Variants in SYBU observed in about 807,000 individuals in gnomAD.
The protein encoded by SYBU is GOLSYN A protein.
Under a neutral mutation model 35.9 loss-of-function variants are expected in SYBU, and 21 were observed. The observed-to-expected ratio is 0.58, with a 90% CI of 0.41 to 0.84. The LOEUF is 0.84. Ranked by LOEUF, SYBU falls within the 40% of genes least tolerant of loss-of-function variation. The pLI is 0.00. For synonymous variants in SYBU, 319 were observed against 324.3 expected (o/e 0.98, Z 0.18); for missense variants, 768 against 848.2 (o/e 0.91, Z 1.17).
At chr8:109,642,987 A>T in intron 1 of SYBU, 55 bp from the exon 2 acceptor site, 1 of 1,448,606 alleles carries the variant, frequency 6.9e-7, no homozygotes, top group Non-Finnish European at 9.1e-7. Context: ...CCCTCTCTTA[A>T]CTCCTGTCGG....
At chr8:109,602,356 G>T (rs1356673122) in intron 3 of SYBU, among the ~76,000 whole-genome samples, 1 of 151,104 alleles carries the variant, frequency 6.6e-6, no homozygotes, top group African/African-American at 2.4e-5. Flanking sequence ...TGAAGAATTT[G>T]TGAAGAATTG....
At position 109,584,034 on chromosome 8, in the gene SYBU, T is replaced by C. The variant is rs755600625; in HGVS notation, c.530+2026A>G. Among the ~76,000 whole-genome samples, 8 of 151,828 alleles carry C rather than the reference T, an allele frequency of 5.3e-5. No individual in the cohort carries two copies. Among genetic ancestry groups the C allele is most frequent in the Non-Finnish European group, 8.8e-5 (6 of 67,982 alleles). The stretch of plus-strand genomic sequence containing the variant: ...GGTTTCACCATATTAGCCAGGCTGG[T>C]CTTGAACTCCTGAACTCAGTTGATC... On this transcript the variant is annotated intron_variant, in intron 4 of 6. Coordinates refer to ENST00000276646, the MANE Select transcript of SYBU (RefSeq NM_001099754.2). The surrounding 1 kb of genome is among the most constrained non-coding windows in gnomAD (Gnocchi z 4.0).
rs562454317 is a variant in SYBU, at chr8:109,588,285, C to T, written c.428-2123G>A. Among the ~76,000 whole-genome samples the T allele has an allele frequency of 3.6e-4, 55 of 152,280 alleles. 1 individual carries two copies. In the South Asian group the frequency reaches 7.7e-3, roughly 21 times the overall value. ...TTGCGGAAAATCCATTGTTACCCCA[C>T]GGTGCTTCTGATCTGTGGTAATTAT... On this transcript the variant is annotated intron_variant, in intron 3 of 6. Coordinates refer to ENST00000276646, the MANE Select transcript of SYBU (RefSeq NM_001099754.2).
At chr8:109,645,633 G>GTTTTTTTT (rs77642059), upstream of SYBU, 73 of 230,836 alleles carry the variant, frequency 3.2e-4, 1 homozygote, top group Middle Eastern at 1.7e-3. Flanking sequence ...TTCGTTTTTT[G>GTTTTTTTT]TTTTTTTTTT....
At chr8:109,656,039 C>G (rs1816340466) in intron 1 of SYBU, among the ~76,000 whole-genome samples, 1 of 152,102 alleles carries the variant, frequency 6.6e-6, no homozygotes, top group African/African-American at 2.4e-5. Context: ...TCGCTTGAAC[C>G]CAGGAAGCGG....
chr8:109,600,351 TA>T (rs901331768), intron 3 of SYBU, among the ~76,000 whole-genome samples: 1 of 152,198 alleles, frequency 6.6e-6, no homozygotes, highest in Non-Finnish European at 1.5e-5. Flanking sequence ...CTTCCACTCC[TA>T]CTTCCAGCCT....
At chr8:109,683,895 C>T (rs1225203842), upstream of SYBU, among the ~76,000 whole-genome samples, 1 of 152,134 alleles carries the variant, frequency 6.6e-6, no homozygotes, top group African/African-American at 2.4e-5. Flanking sequence ...TTTCTTTGCA[C>T]TTCTCCTTAC....
intron 1 of SYBU, among the ~76,000 whole-genome samples, chr8:109,665,460 A>C (rs180931899): frequency 1.1e-3 from 162 of 152,348 alleles, no homozygotes; most frequent in Non-Finnish European, 2.0e-3. Flanking sequence ...AAAAGTTTTA[A>C]ATTATTTAAA....
chr8:109,583,650 C>G (rs1199309745), intron 4 of SYBU, among the ~76,000 whole-genome samples: 1 of 152,114 alleles, frequency 6.6e-6, no homozygotes, highest in Non-Finnish European at 1.5e-5. Flanking sequence ...TTGAAAGGAT[C>G]ACAAACTACT....
At chr8:109,582,532 TA>T (rs1823154660) in intron 4 of SYBU, among the ~76,000 whole-genome samples, 1 of 152,194 alleles carries the variant, frequency 6.6e-6, no homozygotes, top group South Asian at 2.1e-4. Flanking sequence ...TGAACCCTTC[TA>T]CAAACCTGAA....
chr8:109,662,786 A>T (rs913863990), intron 1 of SYBU, among the ~76,000 whole-genome samples: 1 of 152,096 alleles, frequency 6.6e-6, no homozygotes, highest in African/African-American at 2.4e-5. Context: ...CACTTTTCTG[A>T]ACCAGAGTAT....
intron 1 of SYBU, among the ~76,000 whole-genome samples, chr8:109,665,645 G>T (rs1816726804): frequency 6.6e-6 from 1 of 152,176 alleles, no homozygotes; most frequent in South Asian, 2.1e-4. Context: ...GCCTATTAAT[G>T]AGTTAACGGT....
intron 2 of SYBU, among the ~76,000 whole-genome samples, chr8:109,629,307 T>A (rs1381011577): frequency 6.6e-6 from 1 of 152,224 alleles, no homozygotes; most frequent in Non-Finnish European, 1.5e-5. Context: ...GAGTGCCTAT[T>A]AACTACCAAG....
At position 109,575,221 on chromosome 8, in the gene SYBU, G is replaced by T. The variant is rs778348417; in HGVS notation, c.1677C>A (p.Thr559=). The T allele has an allele frequency of 6.2e-7, 1 of 1,614,156 alleles. No homozygotes were observed. Among genetic ancestry groups the T allele is most frequent in the Non-Finnish European group, 8.5e-7 (1 of 1,179,998 alleles). The change falls in exon 7 of 7, where the codon ACC becomes ACA. Residue 559 remains threonine (T), a synonymous_variant. Transcript: ENST00000276646. ...CTTCTGCATCCACATTGGCGTAGGG[G>T]GTCTCCACGGGAGACAAAAGGATGG... The part of the protein sequence containing the change: ...NSAILLSPVE[T]PYANVDAEVH...
Position 109,575,468 on chromosome 8 carries a change from T to C in SYBU, c.1430A>G (p.Gln477Arg). Residue 477 changes from glutamine (Q) to arginine (R), a missense_variant, in exon 7 of 7, where the codon CAG becomes CGG. Transcript: ENST00000276646. ...VLELLPIVMG[Q>R]EEGSVVVERA... ...CTCCACCACCACACTGCCCTCCTCC[T>C]GACCCATGACTATGGGCAGCAGCTC... 6.2e-7 allele frequency: 1 copy of C among 1,614,122 alleles called. No individual in the cohort carries two copies. Among genetic ancestry groups the C allele is most frequent in the Non-Finnish European group, 8.5e-7 (1 of 1,180,026 alleles).
intron 1 of SYBU, among the ~76,000 whole-genome samples, chr8:109,661,564 G>C (rs1363007779): frequency 6.6e-6 from 1 of 152,162 alleles, no homozygotes; most frequent in East Asian, 1.9e-4. Context: ...TGGAGAAATG[G>C]CTTTAAAAAG....
chr8:109,691,166 CCTT>C lies in SYBU; in HGVS notation c.-58+164_-58+166del, dbSNP rs1040251500. Among the ~76,000 whole-genome samples, 11 of 152,224 alleles carry C rather than the reference CCTT, an allele frequency of 7.2e-5. No individual in the cohort carries two copies. The highest frequency in any genetic ancestry group is 2.4e-4 in the African/African-American group (10 of 41,460). On this transcript the variant is annotated intron_variant, in intron 1 of 7. Coordinates refer to the SYBU transcript ENST00000422135. This position sits in a 1 kb window ranked among gnomAD's most constrained non-coding sequence, Gnocchi z 4.7. The stretch of plus-strand genomic sequence containing the variant: ...GCCCTTGATTCCCCATTTTCCACGA[CCTT>C]CTTCTGTGCATCGCCGAGCACCCTG...
intron 1 of SYBU, among the ~76,000 whole-genome samples, chr8:109,652,587 T>C (rs1816193167): frequency 6.6e-6 from 1 of 152,182 alleles, no homozygotes; most frequent in Non-Finnish European, 1.5e-5. Context: ...TAATTAGCAA[T>C]AGTTGACATT....
chr8:109,657,850 G>A (rs560211105), intron 1 of SYBU, among the ~76,000 whole-genome samples: 21 of 152,142 alleles, frequency 1.4e-4, no homozygotes, highest in Non-Finnish European at 2.4e-4. Flanking sequence ...GTACTCATTT[G>A]TTGGCCATAT....
Sources: allele counts gnomAD v4.1 joint callset (sites outside exome capture counted in the v4.1 genomes callset), GRCh38; gene constraint gnomAD v4.1.1; non-coding constraint Gnocchi (gnomAD v3.1); transcripts MANE v1.5; gene names NCBI Gene and HGNC (gene_info 2026-07-23, HGNC 2026-07-21).